CRLF3: variants seen among roughly 807,000 people sequenced by gnomAD.
CRLF3 encodes the protein cytokine receptor-like factor 3.
CRLF3 carries 33 observed loss-of-function variants against 55.0 expected under a neutral mutation model. That is an observed-to-expected ratio of 0.60 (90% confidence interval 0.46 to 0.80). The LOEUF is 0.80. Ranked by LOEUF, CRLF3 falls within the 30% of genes least tolerant of loss-of-function variation. CRLF3 has a pLI of 0.00. For synonymous variants in CRLF3, 238 were observed against 196.8 expected, an observed-to-expected ratio of 1.21 and a Z score of -1.75; for missense variants, 494 against 538.4, an observed-to-expected ratio of 0.92 and a Z score of 0.82.
At chr17:30,790,710 G>C (rs1179943634) in intron 6 of CRLF3, 1 of 140,686 alleles carries the variant, frequency 7.1e-6, no homozygotes, top group Non-Finnish European at 1.5e-5. Flanking sequence ...TCCGCCTCCA[G>C]GCTTCCAGTG....
intron 1 of CRLF3, among the ~76,000 whole-genome samples, chr17:30,810,430 G>A (rs1379130197): frequency 6.6e-6 from 1 of 152,018 alleles, no homozygotes; most frequent in African/African-American, 2.4e-5. Flanking sequence ...CCCAAGCGTA[G>A]TGGTGCACGC....
intron 2 of CRLF3, among the ~76,000 whole-genome samples, chr17:30,799,499 C>T (rs1038358714): frequency 5.9e-5 from 9 of 151,788 alleles, no homozygotes; most frequent in Non-Finnish European, 1.3e-4. Flanking sequence ...GCTAGGACTA[C>T]AGGAATGTGC....
rs1257458119 is a variant in CRLF3, at chr17:30,815,197, T to C, written c.129+9326A>G. Among the ~76,000 whole-genome samples the C allele has an allele frequency of 2.7e-5, 4 of 149,656 alleles. No individual in the cohort carries two copies. The Admixed American group carries it at 2.7e-4, about 10-fold the overall frequency. ...GCCTCCCAGGTTCAAGCAATTCTCCTGCCTCAGCCTCCCGGGTAGCTGGGA... is the reference window on the plus strand; with the variant it reads ...GCCTCCCAGGTTCAAGCAATTCTCCCGCCTCAGCCTCCCGGGTAGCTGGGA... On this transcript the variant is annotated intron_variant, in intron 1 of 7. Coordinates refer to ENST00000324238, the MANE Select transcript of CRLF3 (RefSeq NM_015986.4).
At chr17:30,803,165 CAA>C (rs147266873) in intron 2 of CRLF3, among the ~76,000 whole-genome samples, 6 of 143,690 alleles carry the variant, frequency 4.2e-5, no homozygotes, top group Non-Finnish European at 7.6e-5. Context: ...ACCCCTGTGT[CAA>C]AAAAAAAATA....
At chr17:30,787,492 A>G (rs1971675190) in intron 6 of CRLF3, 1 of 151,908 alleles carries the variant, frequency 6.6e-6, no homozygotes, top group Non-Finnish European at 1.5e-5. Flanking sequence ...CCCTATTGCC[A>G]GACACATCAT....
At chr17:30,793,116 GAC>G (rs1971847410) in intron 5 of CRLF3, among the ~76,000 whole-genome samples, 1 of 151,506 alleles carries the variant, frequency 6.6e-6, no homozygotes. Context: ...CAGCCTGGGC[GAC>G]AGAGTGAGAC....
chr17:30,792,648 A>G, intron 5 of CRLF3, 76 bp from the exon 6 acceptor site: 1 of 1,368,344 alleles, frequency 7.3e-7, no homozygotes, highest in Non-Finnish European at 1.0e-6. Flanking sequence ...GTTAAATAAA[A>G]CATGGAAATG....
At chr17:30,822,307 C>G (rs1905023575) in intron 1 of CRLF3, among the ~76,000 whole-genome samples, 1 of 152,052 alleles carries the variant, frequency 6.6e-6, no homozygotes, top group South Asian at 2.1e-4. Flanking sequence ...TACCATAGAC[C>G]TTCCTTAAAA....
At chr17:30,814,493 A>G (rs1904723005) in intron 1 of CRLF3, among the ~76,000 whole-genome samples, 1 of 151,770 alleles carries the variant, frequency 6.6e-6, no homozygotes, top group Non-Finnish European at 1.5e-5. Context: ...TGTCTCTACT[A>G]AAAATACAAA....
At chr17:30,791,521 A>ATT (rs879662887) in intron 6 of CRLF3, among the ~76,000 whole-genome samples, 94 of 130,322 alleles carry the variant, frequency 7.2e-4, no homozygotes, top group African/African-American at 2.3e-3. Context: ...GGCCTCTAAA[A>ATT]TTTTTTTTTT....
intron 1 of CRLF3, chr17:30,809,492 C>T (rs1305115994): frequency 2.0e-5 from 3 of 152,170 alleles, no homozygotes; most frequent in Non-Finnish European, 4.4e-5. Flanking sequence ...CCAATGGTTC[C>T]ATGCGTTCAC....
intron 6 of CRLF3, chr17:30,786,694 A>G (rs1971655974): frequency 7.9e-6 from 1 of 126,400 alleles, no homozygotes; most frequent in South Asian, 2.4e-4. Context: ...TCTAGAATCA[A>G]TCAATCTATC....
intron 7 of CRLF3, chr17:30,784,673 T>A (rs928833643): frequency 2.3e-6 from 1 of 426,006 alleles, no homozygotes; most frequent in African/African-American, 2.0e-5. Flanking sequence ...GTTACAAAAT[T>A]ACCTCCTGTG....
At chr17:30,823,152 A>G (rs1321236330) in intron 1 of CRLF3, among the ~76,000 whole-genome samples, 1 of 152,046 alleles carries the variant, frequency 6.6e-6, no homozygotes, top group African/African-American at 2.4e-5. Context: ...TCACGAGGTC[A>G]GGAGTTCAAG....
At chr17:30,793,715 C>CT in intron 4 of CRLF3, 43 bp from the exon 5 acceptor site, 2 of 1,409,822 alleles carry the variant, frequency 1.4e-6, no homozygotes, top group Non-Finnish European at 2.0e-6. Flanking sequence ...CAGAAAATGA[C>CT]TTCTCTCAGC....
At chr17:30,793,178 T>G (rs7211776) in intron 5 of CRLF3, among the ~76,000 whole-genome samples, 35,514 of 151,484 alleles carry the variant, frequency 0.23, 6,180 homozygotes, top group African/African-American at 0.49. Context: ...AAAAAAAGAA[T>G]AAAAAGGAAT....
At chr17:30,820,801 G>A (rs1462406939) in intron 1 of CRLF3, among the ~76,000 whole-genome samples, 1 of 144,664 alleles carries the variant, frequency 6.9e-6, no homozygotes, top group Non-Finnish European at 1.5e-5. Context: ...ACTCCAGCCT[G>A]GGCAAAAGAG....
chr17:30,793,034 T>G (rs1971844727), intron 5 of CRLF3, among the ~76,000 whole-genome samples: 2 of 150,372 alleles, frequency 1.3e-5, no homozygotes, highest in Non-Finnish European at 3.0e-5. Flanking sequence ...TGCATGCAGG[T>G]GGTCCCAGCT....
chr17:30,794,388 G>T (rs1472883009), intron 4 of CRLF3, among the ~76,000 whole-genome samples: 1 of 152,114 alleles, frequency 6.6e-6, no homozygotes, highest in African/African-American at 2.4e-5. Context: ...ATAGAAAAAT[G>T]GGTAAAAGAC....
Sources: gnomAD v4.1 joint callset for allele counts (sites outside exome capture counted in the v4.1 genomes callset) on GRCh38, gnomAD v4.1.1 for gene constraint, MANE v1.5 for transcripts, NCBI Gene and HGNC (gene_info 2026-07-23, HGNC 2026-07-21) for gene names.